Variants in TXNL1 observed in about 807,000 individuals in gnomAD.
TXNL1 encodes thioredoxin-like protein 1.
In TXNL1, 14 loss-of-function variants were observed where a neutral mutation model predicts 35.5. The observed-to-expected ratio is 0.39, with a 90% CI of 0.26 to 0.62. The LOEUF is 0.62. Ranked by LOEUF, TXNL1 falls within the 20% of genes least tolerant of loss-of-function variation. The pLI is 0.47. For synonymous variants in TXNL1, 110 were observed against 115.5 expected, an observed-to-expected ratio of 0.95 and a Z score of 0.31; for missense variants, 263 against 349.7, an observed-to-expected ratio of 0.75 and a Z score of 1.98.
chr18:56,610,936 A>G, intron 7 of TXNL1, 57 bp downstream of exon 7: 1 of 1,145,298 alleles, frequency 8.7e-7, no homozygotes, highest in Non-Finnish European at 1.2e-6. Context: ...GATACATGAA[A>G]TTATTCCATT....
chr18:56,622,730 A>T (rs1403473785), intron 3 of TXNL1, among the ~76,000 whole-genome samples: 2 of 152,186 alleles, frequency 1.3e-5, no homozygotes, highest in African/African-American at 4.8e-5. Flanking sequence ...CTGTGTTCCT[A>T]AGACTTTTTA....
At position 56,611,023 on chromosome 18, in the gene TXNL1, G is replaced by A. The variant is rs776799068; in HGVS notation, c.810C>T (p.Val270=). ...TGAAGTCATTCATATTTGTTGCCTG[G>A]ACTGGAGTACCAATAAAAGTAAAAT... is the stretch of plus-strand genomic sequence containing the variant. ...ISYFTFIGTP[V]QATNMNDFKR... The change falls in exon 7 of 8, where the codon GTC becomes GTT. Residue 270 remains valine (V), a synonymous_variant. Transcript: ENST00000217515. 1.8e-5 allele frequency: 29 copies of A among 1,607,030 alleles called. No homozygotes were observed. The African/African-American group carries it at 3.8e-4, about 21-fold the overall frequency.
rs1568099229 is a variant in TXNL1 at position 56,608,967 on chromosome 18, C to CAAA, written c.840+2025_840+2026insTTT. The stretch of plus-strand genomic sequence containing the variant: ...GTCTCAAAAAAAAAAAAAAAAAAAT[C>CAAA]ATAAAATTCTGAATCAATGCTCTTC... On this transcript the variant is annotated intron_variant, in intron 7 of 7. Transcript: ENST00000217515. 221 of 146,586 alleles carry CAAA rather than the reference C, an allele frequency of 1.5e-3. 3 individuals carry two copies. Among genetic ancestry groups the CAAA allele is most frequent in the Middle Eastern group, 0.011 (3 of 278 alleles). 9.1% of individuals were successfully genotyped at this position (146,586 alleles called of 1,614,324 possible).
intron 6 of TXNL1, among the ~76,000 whole-genome samples, chr18:56,611,502 C>CAA (rs201498465): frequency 1.0e-4 from 10 of 98,562 alleles, no homozygotes; most frequent in South Asian, 6.8e-4. Context: ...AACTCTGGCT[C>CAA]AAAAAAAAAA....
chr18:56,628,304 C>G (rs915430867), intron 1 of TXNL1, among the ~76,000 whole-genome samples: 5 of 152,092 alleles, frequency 3.3e-5, no homozygotes, highest in African/African-American at 1.2e-4. Flanking sequence ...GGGAAAAAAA[C>G]CAAACTGCTA....
intron 5 of TXNL1, 79 bp downstream of exon 5, chr18:56,616,165 AT>A: frequency 7.8e-7 from 1 of 1,278,010 alleles, no homozygotes; most frequent in Non-Finnish European, 1.1e-6. Context: ...AAGTACCTCT[AT>A]TTAATAAAAA....
At chr18:56,632,440 C>T (rs1437494832) in intron 1 of TXNL1, among the ~76,000 whole-genome samples, 3 of 152,108 alleles carry the variant, frequency 2.0e-5, no homozygotes, top group African/African-American at 7.2e-5. Context: ...TACGCATTCA[C>T]AAACTCATGT....
chr18:56,611,864 T>A (rs1174610822), intron 6 of TXNL1, among the ~76,000 whole-genome samples: 4 of 147,966 alleles, frequency 2.7e-5, no homozygotes, highest in African/African-American at 1.0e-4. Flanking sequence ...TTTTTTTTTT[T>A]AAGAGATGGA....
intron 3 of TXNL1, among the ~76,000 whole-genome samples, chr18:56,621,422 G>T (rs1438830679): frequency 6.6e-6 from 1 of 151,880 alleles, no homozygotes; most frequent in African/African-American, 2.4e-5. Context: ...TTGAACTCCT[G>T]ACCTCAGGTG....
intron 1 of TXNL1, among the ~76,000 whole-genome samples, chr18:56,637,803 A>G (rs2024480026): frequency 6.6e-6 from 1 of 152,250 alleles, no homozygotes; most frequent in African/African-American, 2.4e-5. Flanking sequence ...AAAGCACCCT[A>G]ACCCAACGTT....
At chr18:56,606,463 A>T (rs953511060) in intron 7 of TXNL1, among the ~76,000 whole-genome samples, 9 of 152,222 alleles carry the variant, frequency 5.9e-5, no homozygotes, top group Non-Finnish European at 1.3e-4. Flanking sequence ...GACATGCCAC[A>T]TGTGACTTGT....
At position 56,626,797 on chromosome 18, in the gene TXNL1, C is replaced by CTTTTTTTTTTTTTT. The variant is rs386387792; in HGVS notation, c.99-354_99-341dup. The stretch of plus-strand genomic sequence containing the variant: ...TACAGGCGTGAGCCACCAAGCCGGT[C>CTTTTTTTTTTTTTT]TTTTTTTTTTTTTTTTTTTTTTTTG... On this transcript the variant is annotated intron_variant, in intron 1 of 7. Transcript: ENST00000217515. Among the ~76,000 whole-genome samples the CTTTTTTTTTTTTTT allele has an allele frequency of 9.5e-4, 52 of 55,010 alleles. 8 individuals carry two copies. The highest frequency in any genetic ancestry group is 1.6e-3 in the African/African-American group (23 of 14,702). The allele number at this position is 55,010 out of a possible 152,430, so 36.1% of individuals were successfully genotyped here. A position where few individuals can be genotyped will look rare whatever the true frequency, so the allele number is the denominator to read the frequency against.
intron 1 of TXNL1, among the ~76,000 whole-genome samples, chr18:56,630,889 TTTTC>T (rs1568109049): frequency 1.6e-5 from 2 of 124,230 alleles, no homozygotes; most frequent in African/African-American, 2.7e-5. Flanking sequence ...TCATTTTCTT[TTTTC>T]TTTTTTTTTT....
chr18:56,617,647 C>A (rs1426816078), intron 4 of TXNL1, among the ~76,000 whole-genome samples: 1 of 152,156 alleles, frequency 6.6e-6, no homozygotes, highest in Non-Finnish European at 1.5e-5. Flanking sequence ...ACAGGGAGTG[C>A]TCATTTCATT....
At chr18:56,614,305 C>G in intron 6 of TXNL1, 119 bp downstream of exon 6, 1 of 828,494 alleles carries the variant, frequency 1.2e-6, no homozygotes, top group South Asian at 2.1e-5. Context: ...ACATTTTACT[C>G]ATTTCAAACT....
In TXNL1 at chr18:56,600,541, G is replaced by C. The variant is rs973350590; in HGVS notation, c.*2486C>G. ...TGAGACTGGGGAACAACGTGGGGCA[G>C]GTTTCAACTCTAATTGTTATGTGGC... On this transcript the variant is annotated 3_prime_UTR_variant, in exon 8 of 8. Transcript: ENST00000217515. The C allele has an allele frequency of 3.3e-5, 5 of 149,514 alleles. No individual in the cohort carries two copies. The highest frequency in any genetic ancestry group is 2.7e-4 in the Admixed American group (4 of 14,932). The allele number at this position is 149,514 out of a possible 1,614,324, so 9.3% of individuals were successfully genotyped here.
Position 56,618,140 on chromosome 18 carries a change from G to C in TXNL1, c.370-14C>G, listed in dbSNP as rs781705410. ...CATTAAATCCATCTGAAAAAAAATT[G>C]CAAGATTTTAGGCAACATATTTGGA... On this transcript the variant is annotated splice_polypyrimidine_tract_variant and intron_variant, in intron 3 of 7. Transcript: ENST00000217515. 6.0e-5 allele frequency: 96 copies of C among 1,610,144 alleles called. No homozygotes were observed. The South Asian group carries it at 9.6e-4, about 16-fold the overall frequency.
chr18:56,611,131 T>C, intron 6 of TXNL1, 34 bp from the exon 7 acceptor site: 2 of 1,340,284 alleles, frequency 1.5e-6, no homozygotes, highest in Non-Finnish European at 2.1e-6. Context: ...ATAATTACAA[T>C]CCTTCTTCAC....
At position 56,613,729 on chromosome 18, in the gene TXNL1, T is replaced by A. The variant is rs565478885; in HGVS notation, c.735+695A>T. Among the ~76,000 whole-genome samples, 24 of 152,246 alleles carry A rather than the reference T, an allele frequency of 1.6e-4. No individual in the cohort carries two copies. The South Asian group carries it at 5.0e-3, about 32-fold the overall frequency. On this transcript the variant is annotated intron_variant, in intron 6 of 7. Transcript: ENST00000217515. The stretch of plus-strand genomic sequence containing the variant: ...CTCTGGAGGCTGAGGGAGAATCACC[T>A]GAGCCCAGTAGATCAGGGCTATACT...
Sources: allele counts gnomAD v4.1 joint callset (sites outside exome capture counted in the v4.1 genomes callset), GRCh38; gene constraint gnomAD v4.1.1; transcripts MANE v1.5; gene names NCBI Gene and HGNC (gene_info 2026-07-23, HGNC 2026-07-21).